Variants in GMDS observed in about 807,000 individuals in gnomAD.
GMDS encodes the protein GDP-mannose 4,6-dehydratase.
Under a neutral mutation model 49.9 loss-of-function variants are expected in GMDS, and 20 were observed. That is an observed-to-expected ratio of 0.40 (90% CI 0.28 to 0.58). The LOEUF (loss-of-function observed/expected upper bound fraction) is 0.58, where lower values mean the gene tolerates loss of function less well. Ranked by LOEUF, GMDS falls within the 20% of genes least tolerant of loss-of-function variation. GMDS has a pLI of 0.42. For synonymous variants in GMDS, 177 were observed against 178.6 expected (o/e 0.99, Z 0.07); for missense variants, 362 against 481.4 (o/e 0.75, Z 2.32).
At position 1,854,119 on chromosome 6, in the gene GMDS, T is replaced by C. The variant is rs115148278; in HGVS notation, c.771+75984A>G. 6.8e-3 allele frequency among the ~76,000 whole-genome samples: 1,035 copies of C among 152,316 alleles called. 11 individuals carry two copies. The highest frequency in any genetic ancestry group is 0.023 in the African/African-American group (969 of 41,576). ...GTAAAAATTCACACCCAGGCAAGATTTGGTAGCAGAAATGCTTTTATTCTG... is the reference window on the plus strand; with the variant it reads ...GTAAAAATTCACACCCAGGCAAGATCTGGTAGCAGAAATGCTTTTATTCTG... On this transcript the variant is annotated intron_variant, in intron 7 of 10. Coordinates refer to ENST00000380815, the MANE Select transcript of GMDS (RefSeq NM_001500.4).
At chr6:1,840,347 C>T (rs1457553576) in intron 7 of GMDS, among the ~76,000 whole-genome samples, 1 of 152,186 alleles carries the variant, frequency 6.6e-6, no homozygotes, top group East Asian at 1.9e-4. Context: ...GTGCCTGGCA[C>T]ATAGTAGGTT....
intron 1 of GMDS, among the ~76,000 whole-genome samples, chr6:2,190,026 C>T (rs1393092186): frequency 6.6e-6 from 1 of 152,178 alleles, no homozygotes; most frequent in Non-Finnish European, 1.5e-5. Context: ...TTTCACTACT[C>T]CCATCTCCTT....
intron 7 of GMDS, among the ~76,000 whole-genome samples, chr6:1,848,518 AATTTG>A (rs1450091349): frequency 3.9e-5 from 6 of 152,188 alleles, no homozygotes; most frequent in African/African-American, 1.4e-4. Flanking sequence ...TACCTTATAC[AATTTG>A]ATTTAACAAA....
In GMDS at chr6:1,624,205, G is replaced by A; in HGVS notation, c.1083C>T (p.Ala361=). 7 of 1,611,026 alleles carry A rather than the reference G, an allele frequency of 4.3e-6. No homozygotes were observed. Among genetic ancestry groups the A allele is most frequent in the Non-Finnish European group, 5.9e-6 (7 of 1,179,788 alleles). Residue 361 remains alanine, a synonymous_variant, in exon 11 of 11, where the codon GCC becomes GCT. Coordinates refer to ENST00000380815, the MANE Select transcript of GMDS (RefSeq NM_001500.4). ...GGTTTGTCCTCATGAGCTCCACGTC[G>A]GCGTGCACCATCTCCCTCACCAGCT... ...FDELVREMVH[A]DVELMRTNPN...
intron 4 of GMDS, among the ~76,000 whole-genome samples, chr6:2,050,190 G>A (rs1377107314): frequency 6.6e-6 from 1 of 151,532 alleles, no homozygotes; most frequent in Non-Finnish European, 1.5e-5. Flanking sequence ...AATGATAGAG[G>A]GGATATCACC....
intron 7 of GMDS, among the ~76,000 whole-genome samples, chr6:1,824,487 C>T (rs186489906): frequency 2.4e-4 from 36 of 152,258 alleles, no homozygotes; most frequent in African/African-American, 7.0e-4. Flanking sequence ...TGTGTCACAA[C>T]GCCTGCTGAT....
At chr6:1,891,614 G>A (rs1416172802) in intron 7 of GMDS, among the ~76,000 whole-genome samples, 1 of 152,224 alleles carries the variant, frequency 6.6e-6, no homozygotes, top group Non-Finnish European at 1.5e-5. Flanking sequence ...CTTCCTTAGT[G>A]TTAGGTCAAG....
intron 1 of GMDS, among the ~76,000 whole-genome samples, chr6:2,177,999 G>C (rs970206525): frequency 2.0e-5 from 3 of 152,180 alleles, no homozygotes; most frequent in Admixed American, 6.5e-5. Context: ...CATGGATGCA[G>C]CTGAAGGCCA....
intron 7 of GMDS, among the ~76,000 whole-genome samples, chr6:1,818,017 T>A (rs967712803): frequency 1.8e-4 from 28 of 152,108 alleles, no homozygotes; most frequent in African/African-American, 6.5e-4. Context: ...GAGCTTGCCT[T>A]AAAAGTATGC....
chr6:1,976,340 T>C (rs776843802), intron 4 of GMDS, among the ~76,000 whole-genome samples: 1 of 152,222 alleles, frequency 6.6e-6, no homozygotes, highest in African/African-American at 2.4e-5. Context: ...CCATGAATTT[T>C]AGAGGCAAAT....
At chr6:1,844,391 A>G (rs1581248238) in intron 7 of GMDS, among the ~76,000 whole-genome samples, 1 of 152,350 alleles carries the variant, frequency 6.6e-6, no homozygotes, top group Middle Eastern at 3.4e-3. Context: ...TTGGTCTTTA[A>G]AAATAGTATT....
At chr6:1,624,758 C>A in intron 9 of GMDS, 1 of 495,248 alleles carries the variant, frequency 2.0e-6, no homozygotes, top group Non-Finnish European at 3.6e-6. Context: ...CCGTGAGGAC[C>A]GTGACCGCGA....
intron 1 of GMDS, among the ~76,000 whole-genome samples, chr6:2,126,885 G>A (rs7770058): frequency 0.033 from 4,998 of 152,212 alleles, 289 homozygotes; most frequent in African/African-American, 0.11. Context: ...CTGCCTGCCT[G>A]GGCCTCCCAA....
intron 7 of GMDS, among the ~76,000 whole-genome samples, chr6:1,839,228 CAAG>C (rs1325546307): frequency 2.6e-5 from 4 of 152,002 alleles, no homozygotes; most frequent in African/African-American, 9.7e-5. Context: ...TATTTTTAAA[CAAG>C]AAGTGAGCCA....
intron 1 of GMDS, among the ~76,000 whole-genome samples, chr6:2,186,305 G>T (rs1161499053): frequency 6.6e-6 from 1 of 152,318 alleles, no homozygotes; most frequent in East Asian, 1.9e-4. Context: ...AGATGTTTAT[G>T]TTACTGTAAT....
chr6:1,737,631 A>G (rs988464101), intron 8 of GMDS, among the ~76,000 whole-genome samples: 1 of 149,596 alleles, frequency 6.7e-6, no homozygotes, highest in African/African-American at 2.5e-5. Context: ...ACACAGATAC[A>G]CACGCACACA....
At chr6:1,956,156 A>T (rs773192004) in intron 6 of GMDS, among the ~76,000 whole-genome samples, 1 of 152,218 alleles carries the variant, frequency 6.6e-6, no homozygotes, top group Non-Finnish European at 1.5e-5. Flanking sequence ...AATCAACCCA[A>T]GTGAAAGTTT....
At chr6:2,045,384 ATT>A (rs1445766742) in intron 4 of GMDS, among the ~76,000 whole-genome samples, 4 of 147,968 alleles carry the variant, frequency 2.7e-5, no homozygotes, top group Non-Finnish European at 4.5e-5. Context: ...TCCTTCCTCT[ATT>A]TTTTCAGGTT....
intron 1 of GMDS, among the ~76,000 whole-genome samples, chr6:2,189,093 G>A (rs944894708): frequency 6.6e-6 from 1 of 152,116 alleles, no homozygotes; most frequent in Admixed American, 6.5e-5. Flanking sequence ...AAACCAATGA[G>A]ACTGCAAAAT....
Sources: allele counts gnomAD v4.1 joint callset (sites outside exome capture counted in the v4.1 genomes callset), GRCh38; gene constraint gnomAD v4.1.1; transcripts MANE v1.5; gene names NCBI Gene and HGNC (gene_info 2026-07-23, HGNC 2026-07-21).